PPM1L: variants seen among roughly 807,000 people sequenced by gnomAD.
The protein encoded by PPM1L is protein phosphatase, Mg2+/Mn2+ dependent 1L, also known as protein phosphatase 1L.
In PPM1L, 13 loss-of-function variants were observed where a neutral mutation model predicts 31.4. The observed-to-expected ratio is 0.41, with a 90% CI of 0.27 to 0.66. PPM1L has a LOEUF of 0.66. Among genes scored for constraint, PPM1L ranks in the 30% least tolerant of loss-of-function variants. The pLI is 0.29. For missense variants in PPM1L, 326 were observed against 453.7 expected (o/e 0.72, Z 2.56); for synonymous variants, 184 against 175.4 (o/e 1.05, Z -0.39).
chr3:161,049,304 C>G (rs1239003565), intron 2 of PPM1L, among the ~76,000 whole-genome samples: 5 of 151,208 alleles, frequency 3.3e-5, no homozygotes, highest in Non-Finnish European at 5.9e-5. Flanking sequence ...CAAAACAAAA[C>G]AAAACAAAAA....
chr3:161,031,809 A>G (rs969400466), intron 2 of PPM1L, among the ~76,000 whole-genome samples: 9 of 152,078 alleles, frequency 5.9e-5, no homozygotes, highest in Non-Finnish European at 1.3e-4. Context: ...ACGATTCTCT[A>G]TACCTTAAAG....
intron 2 of PPM1L, among the ~76,000 whole-genome samples, chr3:161,031,167 A>G (rs1048150839): frequency 6.6e-5 from 10 of 152,194 alleles, no homozygotes; most frequent in Admixed American, 3.9e-4. Context: ...GAAGAATCAG[A>G]TGTCCTTGTC....
At chr3:161,041,749 A>G (rs1392312530) in intron 2 of PPM1L, among the ~76,000 whole-genome samples, 1 of 152,172 alleles carries the variant, frequency 6.6e-6, no homozygotes, top group Non-Finnish European at 1.5e-5. Context: ...CTGTGCCTCA[A>G]AAAACAAACA....
intron 1 of PPM1L, among the ~76,000 whole-genome samples, chr3:160,954,848 G>T (rs1715690090): frequency 3.7e-5 from 1 of 27,110 alleles, no homozygotes; most frequent in African/African-American, 1.4e-4. Flanking sequence ...TCTTTGTCTA[G>T]GCCAATGCTA....
At chr3:160,854,645 C>T (rs749652104) in intron 1 of PPM1L, among the ~76,000 whole-genome samples, 52 of 151,716 alleles carry the variant, frequency 3.4e-4, no homozygotes, top group African/African-American at 8.2e-4. Flanking sequence ...CCTAGGAATA[C>T]GGCAGATCAG....
chr3:161,024,003 A>G lies in PPM1L; in HGVS notation c.575-41400A>G, dbSNP rs185844280. Among the ~76,000 whole-genome samples, 818 of 152,312 alleles carry G rather than the reference A, an allele frequency of 5.4e-3. 5 individuals carry two copies. The highest frequency in any genetic ancestry group is 4.9e-3 in the Non-Finnish European group (334 of 68,034). On this transcript the variant is annotated intron_variant, in intron 2 of 3. Transcript: ENST00000498165. ...CCCCTTAAGATTTTTGGGGCTGGGC[A>G]TGGTGGCTCATGCCTGTAATCCCAA... is the stretch of plus-strand genomic sequence containing the variant.
At chr3:160,856,910 A>G (rs1337264828) in intron 1 of PPM1L, among the ~76,000 whole-genome samples, 1 of 152,054 alleles carries the variant, frequency 6.6e-6, no homozygotes, top group African/African-American at 2.4e-5. Context: ...CAGTGGATTT[A>G]TTCAGTTTTT....
At chr3:161,013,882 T>A (rs1396009179) in intron 2 of PPM1L, among the ~76,000 whole-genome samples, 1 of 152,200 alleles carries the variant, frequency 6.6e-6, no homozygotes, top group Admixed American at 6.5e-5. Context: ...TTGGTAGATC[T>A]TCCTCCATCC....
chr3:160,923,343 C>T (rs1054119828), intron 1 of PPM1L, among the ~76,000 whole-genome samples: 24 of 152,228 alleles, frequency 1.6e-4, no homozygotes, highest in East Asian at 1.9e-4. Flanking sequence ...TTCCATTTGA[C>T]GGTACTTTCT....
intron 1 of PPM1L, among the ~76,000 whole-genome samples, chr3:160,858,739 A>G (rs1711801735): frequency 6.6e-6 from 1 of 152,154 alleles, no homozygotes; most frequent in South Asian, 2.1e-4. Context: ...CATGGGTGGT[A>G]TTAATTTACC....
chr3:160,882,645 G>C (rs1196577256), intron 1 of PPM1L, among the ~76,000 whole-genome samples: 1 of 152,152 alleles, frequency 6.6e-6, no homozygotes. Context: ...CAGATATGAG[G>C]GTTAGGACTT....
At chr3:160,868,708 CT>C (rs35779475) in intron 1 of PPM1L, among the ~76,000 whole-genome samples, 12,071 of 138,920 alleles carry the variant, frequency 0.087, 609 homozygotes, top group African/African-American at 0.13. Flanking sequence ...GGAACTGAGG[CT>C]TTTTTTTTTT....
intron 1 of PPM1L, among the ~76,000 whole-genome samples, chr3:160,790,800 A>G (rs1712082456): frequency 6.6e-6 from 1 of 152,126 alleles, no homozygotes; most frequent in Non-Finnish European, 1.5e-5. Context: ...GGGTCATTTA[A>G]GAGTTGGCAT....
At chr3:160,841,779 T>G (rs1406112923) in intron 1 of PPM1L, among the ~76,000 whole-genome samples, 1 of 152,206 alleles carries the variant, frequency 6.6e-6, no homozygotes, top group African/African-American at 2.4e-5. Context: ...CTTCTTTGTT[T>G]ATTTTGATTA....
intron 2 of PPM1L, among the ~76,000 whole-genome samples, chr3:160,988,952 G>T (rs909773749): frequency 6.6e-6 from 1 of 152,098 alleles, no homozygotes; most frequent in Non-Finnish European, 1.5e-5. Context: ...AGAGGGGAAG[G>T]CATCAATCTT....
At chr3:160,892,527 T>C (rs1258825507) in intron 1 of PPM1L, among the ~76,000 whole-genome samples, 1 of 152,170 alleles carries the variant, frequency 6.6e-6, no homozygotes, top group Non-Finnish European at 1.5e-5. Context: ...AGTGAATATA[T>C]TTTAGAGTTT....
chr3:160,961,288 T>C (rs1715956780), intron 1 of PPM1L, among the ~76,000 whole-genome samples: 1 of 152,174 alleles, frequency 6.6e-6, no homozygotes, highest in Non-Finnish European at 1.5e-5. Flanking sequence ...CAAGAGTTCT[T>C]ATGTAAACAT....
At chr3:160,947,088 A>C (rs1041232477) in intron 1 of PPM1L, among the ~76,000 whole-genome samples, 6 of 152,152 alleles carry the variant, frequency 3.9e-5, no homozygotes, top group Non-Finnish European at 7.4e-5. Flanking sequence ...AAAATACACA[A>C]AGTGTTAACT....
intron 1 of PPM1L, among the ~76,000 whole-genome samples, chr3:160,923,728 G>C (rs886299739): frequency 3.3e-5 from 5 of 152,198 alleles, no homozygotes; most frequent in African/African-American, 4.8e-5. Flanking sequence ...AATTCAGACA[G>C]TGTAGGATGC....
Sources: allele counts gnomAD v4.1 joint callset (sites outside exome capture counted in the v4.1 genomes callset), GRCh38; gene constraint gnomAD v4.1.1; transcripts MANE v1.5; gene names NCBI Gene and HGNC (gene_info 2026-07-23, HGNC 2026-07-21).